MAP7D2: variants seen among roughly 807,000 people sequenced by gnomAD.
MAP7D2 encodes the protein MAP7 domain-containing protein 2.
In MAP7D2, 33 loss-of-function variants were observed where a neutral mutation model predicts 63.5. That is an observed-to-expected ratio of 0.52 (90% CI 0.39 to 0.70). The LOEUF (loss-of-function observed/expected upper bound fraction) is 0.70. Among genes scored for constraint, MAP7D2 ranks in the 30% least tolerant of loss-of-function variants. The probability of loss-of-function intolerance (pLI) is 0.00; values close to 1 mark genes in which losing one functional copy is unlikely to be tolerated. For missense variants in MAP7D2, 626 were observed against 604.0 expected (o/e 1.04, Z -0.38); for synonymous variants, 224 against 223.7 (o/e 1.00, Z -0.01).
rs751455915 is a variant in MAP7D2 at position 20,006,757 on chromosome X, A to G, written c.*1668T>C. On this transcript the variant is annotated 3_prime_UTR_variant, in exon 17 of 17. Coordinates refer to ENST00000379643, the MANE Select transcript of MAP7D2 (RefSeq NM_001168465.2). ...AATTTTTAATGAGTTTGACAGGGAAAGGACACCCACACAGGATTTTTTGGT... is the reference window on the plus strand; with the variant it reads ...AATTTTTAATGAGTTTGACAGGGAAGGGACACCCACACAGGATTTTTTGGT... 2 of 112,138 alleles carry G rather than the reference A, an allele frequency of 1.8e-5. No individual in the cohort carries two copies. The highest frequency in any genetic ancestry group is 6.5e-5 in the African/African-American group (2 of 30,932). 9.2% of individuals were successfully genotyped at this position (112,138 alleles called of 1,213,427 possible). A position where few individuals can be genotyped will look rare whatever the true frequency, so the allele number is the denominator to read the frequency against.
chrX:20,015,380 G>T, intron 11 of MAP7D2, 53 bp from the exon 12 acceptor site: 1 of 1,009,021 alleles, frequency 9.9e-7, no homozygotes, highest in Non-Finnish European at 1.4e-6. Flanking sequence ...AGAAAACAGT[G>T]TGGTAATTCC....
intron 1 of MAP7D2, among the ~76,000 whole-genome samples, chrX:20,085,567 C>T (rs1016443764): frequency 2.4e-4 from 27 of 112,166 alleles, no homozygotes; most frequent in African/African-American, 8.4e-4. Flanking sequence ...GCACAGTATC[C>T]ACCTTCTGAG....
Position 20,016,135 on chromosome X carries a change from G to A in MAP7D2, c.1603C>T (p.Gln535Ter). The change falls in exon 11 of 17, where the codon CAA (glutamine) becomes TAA (stop). Residue 535 changes from glutamine to a stop codon, truncating the protein, a stop_gained. Coordinates refer to ENST00000379643, the MANE Select transcript of MAP7D2 (RefSeq NM_001168465.2). LOFTEE classifies it high-confidence loss of function. Reference protein sequence around the residue: ...AEEELLLKEKQEQEKQEKAMI... With the variant: ...AEEELLLKEK ...GCTTTCTCTTGTTTTTCTTGTTCTT[G>A]CTTTTCTTTCAACAACAGCTCCTCC... 1 of 1,206,507 alleles carries A rather than the reference G, an allele frequency of 8.3e-7. No homozygotes were observed. The highest frequency in any genetic ancestry group is 1.1e-6 in the Non-Finnish European group (1 of 892,556).
chrX:20,038,599 G>T (rs889136403), intron 8 of MAP7D2, among the ~76,000 whole-genome samples: 2 of 111,521 alleles, frequency 1.8e-5, no homozygotes, highest in Non-Finnish European at 3.8e-5. Context: ...GGGTGGAAAT[G>T]GAAGTGGCAC....
chrX:20,053,840 A>C (rs2065008129), intron 4 of MAP7D2, among the ~76,000 whole-genome samples: 1 of 111,817 alleles, frequency 8.9e-6, no homozygotes, highest in Admixed American at 9.5e-5. Context: ...ACCAAATGAC[A>C]ATCTTAAATA....
At chrX:20,068,276 C>T (rs2065409950) in intron 1 of MAP7D2, among the ~76,000 whole-genome samples, 1 of 111,967 alleles carries the variant, frequency 8.9e-6, no homozygotes, top group South Asian at 3.7e-4. Context: ...TTAATAGCCA[C>T]ATGTGGCTGG....
At chrX:20,071,641 G>A (rs180682524) in intron 1 of MAP7D2, among the ~76,000 whole-genome samples, 3 of 112,245 alleles carry the variant, frequency 2.7e-5, no homozygotes, top group Non-Finnish European at 5.6e-5. Context: ...GGCCCTCCCT[G>A]TGGCTACTCT....
At position 20,016,215 on chromosome X, in the gene MAP7D2, T is replaced by C. The variant is rs1210101602; in HGVS notation, c.1523A>G (p.Lys508Arg). Residue 508 changes from lysine to arginine, a missense_variant, in exon 11 of 17, where the codon AAA (lysine) becomes AGA (arginine). By Grantham distance (26) the Lys-to-Arg change is conservative (BLOSUM62 2). Coordinates refer to ENST00000379643, the MANE Select transcript of MAP7D2 (RefSeq NM_001168465.2). The stretch of plus-strand genomic sequence containing the variant: ...CTTTCTTTTCTCTTCCCCTTCCTGT[T>C]TTTTCTTTTCCTCTTCCTGCCGCTT... ...ERKRQEEEKK[K>R]QEGEEKRKAG... 1 of 1,200,300 alleles carries C rather than the reference T, an allele frequency of 8.3e-7. No individual in the cohort carries two copies.
At chrX:20,027,757 GGAGAGAGAGAGAGAGA>G (rs56796954) in intron 8 of MAP7D2, among the ~76,000 whole-genome samples, 1 of 76,252 alleles carries the variant, frequency 1.3e-5, no homozygotes, top group Non-Finnish European at 2.5e-5. Context: ...GAAGGCGGGG[GGAGAGAGAGAGAGAGA>G]GAGAGAGAGA....
intron 8 of MAP7D2, among the ~76,000 whole-genome samples, chrX:20,032,338 G>A (rs1194708853): frequency 1.8e-5 from 2 of 111,359 alleles, no homozygotes; most frequent in African/African-American, 3.3e-5. Flanking sequence ...CAGTTAAGTC[G>A]CCCTTGTGGG....
At chrX:20,073,387 TG>T (rs976656234) in intron 1 of MAP7D2, among the ~76,000 whole-genome samples, 3 of 111,551 alleles carry the variant, frequency 2.7e-5, no homozygotes, top group African/African-American at 9.8e-5. Context: ...TAAAAGGGGA[TG>T]AAAAAAACTG....
chrX:20,024,914 A>T, intron 10 of MAP7D2, 37 bp downstream of exon 10: 1 of 1,193,943 alleles, frequency 8.4e-7, no homozygotes, highest in Non-Finnish European at 1.1e-6. Context: ...CACAACAGTT[A>T]CATGAGATCA....
At chrX:20,112,963 G>C (rs1000435930) in intron 1 of MAP7D2, among the ~76,000 whole-genome samples, 17 of 112,117 alleles carry the variant, frequency 1.5e-4, no homozygotes, top group African/African-American at 5.5e-4. Context: ...AGAAGATGGG[G>C]CACCTGAGAG....
chrX:20,113,212 C>G (rs940465376), intron 1 of MAP7D2, among the ~76,000 whole-genome samples: 2 of 111,731 alleles, frequency 1.8e-5, no homozygotes, highest in African/African-American at 3.3e-5. Context: ...ACTCTAGAGG[C>G]ACAAACTCAA....
At chrX:20,039,997 CAA>C (rs759631358) in intron 8 of MAP7D2, among the ~76,000 whole-genome samples, 3 of 29,792 alleles carry the variant, frequency 1.0e-4, no homozygotes, top group Non-Finnish European at 5.9e-5. Flanking sequence ...GACTCCATCT[CAA>C]AAAAAAAAAA....
intron 12 of MAP7D2, among the ~76,000 whole-genome samples, chrX:20,015,009 G>A (rs1336339838): frequency 9.0e-6 from 1 of 111,642 alleles, no homozygotes; most frequent in Non-Finnish European, 1.9e-5. Context: ...GAGCCACCAT[G>A]CCTCGCTACA....
intron 6 of MAP7D2, among the ~76,000 whole-genome samples, chrX:20,045,483 C>T (rs778204739): frequency 2.9e-4 from 27 of 94,604 alleles, no homozygotes; most frequent in South Asian, 5.3e-4. Context: ...GTCAAGATCG[C>T]GCCACTACAC....
chrX:20,035,293 T>C (rs940009946), intron 8 of MAP7D2, among the ~76,000 whole-genome samples: 1 of 111,082 alleles, frequency 9.0e-6, no homozygotes, highest in African/African-American at 3.3e-5. Flanking sequence ...GGGCGGCTCT[T>C]TGGATTAGGG....
In MAP7D2 at chrX:20,064,763, G is replaced by A. The variant is rs2148383216; in HGVS notation, c.173C>T (p.Ala58Val). The change falls in exon 2 of 17, where the codon GCC becomes GTC. Residue 58 changes from alanine (A) to valine (V), a missense_variant. Ala to Val is a moderately conservative substitution (Grantham distance 64, BLOSUM62 0). Coordinates refer to ENST00000379643, the MANE Select transcript of MAP7D2 (RefSeq NM_001168465.2). ...TTCTCTTTCTTCTCGTCTTTCTTTGGCCAATCTCTGCCTCTCATCTGATTT... is the reference window on the plus strand; with the variant it reads ...TTCTCTTTCTTCTCGTCTTTCTTTGACCAATCTCTGCCTCTCATCTGATTT... ...FLKSDERQRLAKERREEREKC... is the reference protein window; with the variant it reads ...FLKSDERQRLVKERREEREKC... 8.3e-7 allele frequency: 1 copy of A among 1,210,348 alleles called. No homozygotes were observed. Among genetic ancestry groups the A allele is most frequent in the Non-Finnish European group, 1.1e-6 (1 of 894,601 alleles).
Sources: allele counts gnomAD v4.1 joint callset (sites outside exome capture counted in the v4.1 genomes callset), GRCh38; gene constraint gnomAD v4.1.1; transcripts MANE v1.5; gene names NCBI Gene and HGNC (gene_info 2026-07-23, HGNC 2026-07-21).